The following PCDHGA5 variants were observed in gnomAD, a reference collection of about 807,000 sequenced individuals.
The protein encoded by PCDHGA5 is protocadherin gamma-A5.
Under a neutral mutation model 56.7 loss-of-function variants are expected in PCDHGA5, and 36 were observed. The observed-to-expected ratio is 0.64, with a 90% CI of 0.49 to 0.84. The LOEUF (loss-of-function observed/expected upper bound fraction) is 0.84, where lower values mean the gene tolerates loss of function less well. Among genes scored for constraint, PCDHGA5 ranks in the 40% least tolerant of loss-of-function variants. The pLI, the probability that PCDHGA5 is intolerant of heterozygous loss-of-function variation, is 0.00. For synonymous variants in PCDHGA5, 563 were observed against 520.2 expected, an observed-to-expected ratio of 1.08 and a Z score of -1.12; for missense variants, 1,305 against 1,201.5, an observed-to-expected ratio of 1.09 and a Z score of -1.27.
intron 1 of PCDHGA5, chr5:141,416,446 G>A (rs192789193): frequency 8.5e-5 from 13 of 152,284 alleles, no homozygotes; most frequent in East Asian, 5.8e-4. Context: ...GTAAATATGG[G>A]TTGGGAAGAC....
At chr5:141,372,817 T>C (rs933851148) in intron 1 of PCDHGA5, 2 of 1,572,230 alleles carry the variant, frequency 1.3e-6, no homozygotes, top group Non-Finnish European at 1.7e-6. Context: ...AAGGTGAGTT[T>C]CTTCAAACCT....
At chr5:141,383,417 G>A in intron 1 of PCDHGA5, 1 of 1,614,014 alleles carries the variant, frequency 6.2e-7, no homozygotes, top group African/African-American at 1.3e-5. Flanking sequence ...TACCAGCTCA[G>A]CCCCAATCGC....
intron 1 of PCDHGA5, chr5:141,389,583 C>T: frequency 1.2e-6 from 2 of 1,613,188 alleles, no homozygotes; most frequent in Non-Finnish European, 1.7e-6. Flanking sequence ...CGCGCTGGGT[C>T]CCGACGGCTC....
chr5:141,408,243 G>A lies in PCDHGA5; in HGVS notation c.2421+41492G>A, dbSNP rs372221747. ...GCGCAGAGGCGCCGGGCCGGCCCGC[G>A]GCAGGTGCTATTTCCTTTGCTGCTG... On this transcript the variant is annotated intron_variant, in intron 1 of 3. Transcript: ENST00000518069. 7 of 1,583,996 alleles carry A rather than the reference G, an allele frequency of 4.4e-6. 1 individual carries two copies. The highest frequency in any genetic ancestry group is 5.2e-6 in the Non-Finnish European group (6 of 1,164,814).
intron 1 of PCDHGA5, chr5:141,422,834 G>A (rs1450583869): frequency 3.1e-6 from 5 of 1,614,230 alleles, no homozygotes; most frequent in East Asian, 2.2e-5. Context: ...GTGATAGCAC[G>A]TGACAGCGGG....
intron 1 of PCDHGA5, chr5:141,390,019 G>T (rs1047341984): frequency 1.9e-6 from 3 of 1,614,002 alleles, no homozygotes; most frequent in Non-Finnish European, 2.5e-6. Flanking sequence ...ATTGCCTTGC[G>T]CCTGCGACGC....
intron 1 of PCDHGA5, among the ~76,000 whole-genome samples, chr5:141,443,179 A>G (rs2098370392): frequency 6.6e-6 from 1 of 152,190 alleles, no homozygotes; most frequent in South Asian, 2.1e-4. Flanking sequence ...TGTCCACTGC[A>G]TCATTCTCTA....
Position 141,372,073 on chromosome 5 carries a change from C to T in PCDHGA5, c.2421+5322C>T, listed in dbSNP as rs774208540. 6.2e-7 allele frequency: 1 copy of T among 1,613,648 alleles called. No homozygotes were observed. Among genetic ancestry groups the T allele is most frequent in the East Asian group, 2.2e-5 (1 of 44,880 alleles). On this transcript the variant is annotated intron_variant, in intron 1 of 3. Coordinates refer to ENST00000518069, the MANE Select transcript of PCDHGA5 (RefSeq NM_018918.3). ...GTGGACGACCGCAACGACAATGCACCGCTGGTGCTGTACCCAGCTCTGGGG... is the reference window on the plus strand; with the variant it reads ...GTGGACGACCGCAACGACAATGCACTGCTGGTGCTGTACCCAGCTCTGGGG...
chr5:141,402,954 T>C, intron 1 of PCDHGA5: 3 of 1,601,320 alleles, frequency 1.9e-6, no homozygotes, highest in Non-Finnish European at 2.6e-6. Context: ...GAGGCAGCAA[T>C]GGCAGCTCCA....
At position 141,432,319 on chromosome 5, in the gene PCDHGA5, C is replaced by A; in HGVS notation, c.2422-62488C>A. The A allele has an allele frequency of 6.2e-7, 1 of 1,614,264 alleles. No individual in the cohort carries two copies. Among genetic ancestry groups the A allele is most frequent in the South Asian group, 1.1e-5 (1 of 91,088 alleles). ...GGGTACTGTATGCGCTGAGCTCCTTCGACTACGAGCAGTTCCGAGACTTGC... is the reference window on the plus strand; with the variant it reads ...GGGTACTGTATGCGCTGAGCTCCTTAGACTACGAGCAGTTCCGAGACTTGC... On this transcript the variant is annotated intron_variant, in intron 1 of 3. Transcript: ENST00000518069. The surrounding 1 kb of genome is among the most constrained non-coding windows in gnomAD (Gnocchi z 6.0).
intron 1 of PCDHGA5, chr5:141,375,893 C>G (rs1156930577): frequency 5.0e-6 from 8 of 1,613,804 alleles, no homozygotes; most frequent in Non-Finnish European, 5.1e-6. Flanking sequence ...GAACGCCTGG[C>G]TGTCCTACCG....
Position 141,403,170 on chromosome 5 carries a change from A to C in PCDHGA5, c.2421+36419A>C. On this transcript the variant is annotated intron_variant, in intron 1 of 3. Transcript: ENST00000518069. ...CGCATCGTCTCTAGAGGTAGGACGC[A>C]GCTTTTCTCTCTGAACCCGCGCAGC... is the stretch of plus-strand genomic sequence containing the variant. 1 of 1,614,048 alleles carries C rather than the reference A, an allele frequency of 6.2e-7. No homozygotes were observed. Among genetic ancestry groups the C allele is most frequent in the East Asian group, 2.2e-5 (1 of 44,886 alleles).
At chr5:141,497,595 A>C (rs973413640) in intron 2 of PCDHGA5, among the ~76,000 whole-genome samples, 1 of 147,414 alleles carries the variant, frequency 6.8e-6, no homozygotes, top group East Asian at 2.0e-4. Context: ...GCTGGAGTGC[A>C]GTGGTGCGAT....
chr5:141,376,549 T>C (rs757110514), intron 1 of PCDHGA5: 1 of 1,612,108 alleles, frequency 6.2e-7, no homozygotes, highest in East Asian at 2.2e-5. Context: ...AATCTGATCT[T>C]CCCGCAACCC....
rs777537045 is a variant in PCDHGA5 at position 141,490,191 on chromosome 5, A to T, written c.2422-4616A>T. The T allele has an allele frequency of 6.2e-7, 1 of 1,614,176 alleles. No homozygotes were observed. The highest frequency in any genetic ancestry group is 1.1e-5 in the South Asian group (1 of 91,082). On this transcript the variant is annotated intron_variant, in intron 1 of 3. Coordinates refer to ENST00000518069, the MANE Select transcript of PCDHGA5 (RefSeq NM_018918.3). The surrounding 1 kb of genome is among the most constrained non-coding windows in gnomAD (Gnocchi z 5.4). ...ACTTTGAGGAGTCACGTTTCTATGA[A>T]ATTCATGCAAGAGCCCGTGACCAGG...
chr5:141,369,295 G>A (rs556803561), intron 1 of PCDHGA5, among the ~76,000 whole-genome samples: 2 of 152,200 alleles, frequency 1.3e-5, no homozygotes, highest in Admixed American at 6.5e-5. Context: ...TCCTAATAAC[G>A]CATCATTGTT....
At chr5:141,399,254 G>A (rs2093775351) in intron 1 of PCDHGA5, 1 of 1,613,806 alleles carries the variant, frequency 6.2e-7, no homozygotes, top group East Asian at 2.2e-5. Context: ...GGGGAAAATG[G>A]GGAGGTTAAT....
intron 3 of PCDHGA5, among the ~76,000 whole-genome samples, chr5:141,510,166 A>G (rs1280391099): frequency 6.6e-6 from 1 of 151,872 alleles, no homozygotes; most frequent in African/African-American, 2.4e-5. Flanking sequence ...TCAGCTACTC[A>G]GGAGGTTGAG....
chr5:141,477,564 A>T lies in PCDHGA5; in HGVS notation c.2422-17243A>T. 2 of 1,613,924 alleles carry T rather than the reference A, an allele frequency of 1.2e-6. No individual in the cohort carries two copies. The highest frequency in any genetic ancestry group is 1.7e-6 in the Non-Finnish European group (2 of 1,179,980). On this transcript the variant is annotated intron_variant, in intron 1 of 3. Coordinates refer to ENST00000518069, the MANE Select transcript of PCDHGA5 (RefSeq NM_018918.3). The surrounding 1 kb of genome is among the most constrained non-coding windows in gnomAD (Gnocchi z 4.9). ...CCAATACTAAACCTAAGTGTCTGGG[A>T]CCCCGACGCCCCGCAGAATGCTCGG... is the stretch of plus-strand genomic sequence containing the variant.
Sources: gnomAD v4.1 joint callset for allele counts (sites outside exome capture counted in the v4.1 genomes callset) on GRCh38, gnomAD v4.1.1 for gene constraint, Gnocchi (gnomAD v3.1) non-coding constraint, MANE v1.5 for transcripts, NCBI Gene and HGNC (gene_info 2026-07-23, HGNC 2026-07-21) for gene names.